Variants in SMAD1 observed in about 807,000 individuals in gnomAD.
The protein encoded by SMAD1 is MAD, mothers against decapentaplegic homolog 1.
A neutral mutation model predicts 41.6 loss-of-function variants in SMAD1; 6 were observed. That is an observed-to-expected ratio of 0.14 (90% confidence interval 0.08 to 0.28). SMAD1 has a LOEUF of 0.28. SMAD1 is among the 10% of genes least tolerant of loss of function. The pLI, the probability that SMAD1 is intolerant of heterozygous loss-of-function variation, is 1.00. For missense variants in SMAD1, 379 were observed against 582.6 expected (o/e 0.65, Z 3.60); for synonymous variants, 206 against 203.2 (o/e 1.01, Z -0.12).
At chr4:145,539,714 G>T in intron 2 of SMAD1, 90 bp from the exon 3 acceptor site, 1 of 1,298,192 alleles carries the variant, frequency 7.7e-7, no homozygotes, top group South Asian at 1.3e-5. Context: ...ATTTGTTGTT[G>T]TTTACAGATT....
chr4:145,554,933 A>G (rs1202637834), intron 6 of SMAD1, among the ~76,000 whole-genome samples: 1 of 152,144 alleles, frequency 6.6e-6, no homozygotes, highest in Non-Finnish European at 1.5e-5. Context: ...CTGTTTTGTA[A>G]TGTATTTATT....
chr4:145,500,006 A>C (rs909989786), intron 1 of SMAD1, among the ~76,000 whole-genome samples: 3 of 152,306 alleles, frequency 2.0e-5, no homozygotes, highest in Middle Eastern at 3.4e-3. Context: ...ACAATTCTCC[A>C]ACCTTACAGT....
intron 5 of SMAD1, among the ~76,000 whole-genome samples, chr4:145,548,114 C>A (rs1385379434): frequency 2.0e-5 from 3 of 152,272 alleles, no homozygotes; most frequent in African/African-American, 7.2e-5. Flanking sequence ...ATGGGGCATG[C>A]CTCAGGAGCC....
chr4:145,496,578 CA>C (rs1413988005), intron 1 of SMAD1, among the ~76,000 whole-genome samples: 2 of 151,864 alleles, frequency 1.3e-5, no homozygotes, highest in African/African-American at 4.8e-5. Flanking sequence ...TTTTCTCAAC[CA>C]AAAGTGGATA....
At chr4:145,554,204 T>C (rs1304756354) in intron 6 of SMAD1, among the ~76,000 whole-genome samples, 164 bp downstream of exon 6, 1 of 152,022 alleles carries the variant, frequency 6.6e-6, no homozygotes, top group African/African-American at 2.4e-5. Flanking sequence ...ATTTCAATTA[T>C]TAGGAAAATA....
Position 145,498,163 on chromosome 4 carries a change from T to C in SMAD1, c.-177+16125T>C, listed in dbSNP as rs569877682. On this transcript the variant is annotated intron_variant, in intron 1 of 6. Coordinates refer to ENST00000302085, the MANE Select transcript of SMAD1 (RefSeq NM_005900.3). ...ATAAGAAATTCATGCATTGAAAAAT[T>C]TGATGGATATTTGAACAGTTAATAA... 8 of 152,314 alleles carry C rather than the reference T, an allele frequency of 5.3e-5. No homozygotes were observed. In the South Asian group the frequency reaches 1.7e-3, roughly 32 times the overall value. The allele number at this position is 152,314 out of a possible 1,614,324, so 9.4% of individuals were successfully genotyped here. A position where few individuals can be genotyped will look rare whatever the true frequency, so the allele number is the denominator to read the frequency against.
intron 2 of SMAD1, among the ~76,000 whole-genome samples, chr4:145,532,509 G>C (rs1231021379): frequency 1.3e-5 from 2 of 152,206 alleles, no homozygotes; most frequent in Non-Finnish European, 1.5e-5. Flanking sequence ...TAGGATACAA[G>C]AAGGACATAC....
At chr4:145,508,794 C>G (rs1729924537) in intron 1 of SMAD1, among the ~76,000 whole-genome samples, 1 of 152,170 alleles carries the variant, frequency 6.6e-6, no homozygotes, top group African/African-American at 2.4e-5. Context: ...AATCCAAGAT[C>G]AAGGTACCTG....
At chr4:145,529,934 A>C (rs969642356) in intron 2 of SMAD1, among the ~76,000 whole-genome samples, 3 of 152,204 alleles carry the variant, frequency 2.0e-5, no homozygotes, top group African/African-American at 7.2e-5. Flanking sequence ...TTAAATAAGT[A>C]TCTAATTCAG....
At chr4:145,494,803 C>G (rs575551132) in intron 1 of SMAD1, among the ~76,000 whole-genome samples, 5 of 152,302 alleles carry the variant, frequency 3.3e-5, no homozygotes, top group East Asian at 1.9e-4. Context: ...CTTTTATACT[C>G]TGTAGCACCC....
chr4:145,484,365 C>T (rs567186706), intron 1 of SMAD1: 119 of 152,290 alleles, frequency 7.8e-4, no homozygotes, highest in African/African-American at 2.4e-3. Flanking sequence ...TGCTTGAGAT[C>T]TTAAATTGAT....
At chr4:145,536,861 A>T (rs552520840) in intron 2 of SMAD1, among the ~76,000 whole-genome samples, 2 of 152,194 alleles carry the variant, frequency 1.3e-5, no homozygotes, top group Non-Finnish European at 2.9e-5. Flanking sequence ...ATTAAACCTC[A>T]AACAGGCAGA....
intron 5 of SMAD1, among the ~76,000 whole-genome samples, chr4:145,552,362 C>T (rs1732595816): frequency 6.6e-6 from 1 of 152,224 alleles, no homozygotes; most frequent in Admixed American, 6.5e-5. Context: ...CTTGACTAAG[C>T]CATACCAGAG....
intron 2 of SMAD1, among the ~76,000 whole-genome samples, chr4:145,515,592 T>A (rs544164167): frequency 6.6e-6 from 1 of 152,324 alleles, no homozygotes; most frequent in East Asian, 1.9e-4. Context: ...ATGGAATCAT[T>A]TGATGCTATT....
intron 2 of SMAD1, among the ~76,000 whole-genome samples, chr4:145,538,987 C>T (rs1731773591): frequency 1.3e-5 from 2 of 152,164 alleles, no homozygotes; most frequent in Admixed American, 6.5e-5. Context: ...CCTTAGCTTC[C>T]TAATGTAGAA....
At chr4:145,488,017 C>G (rs189091607) in intron 1 of SMAD1, among the ~76,000 whole-genome samples, 2 of 152,234 alleles carry the variant, frequency 1.3e-5, no homozygotes, top group East Asian at 3.9e-4. Flanking sequence ...TTAGAGAAGA[C>G]TCTCTCTTGA....
rs528855140 is a variant in SMAD1, at chr4:145,505,626, A to G, written c.-176-8812A>G. On this transcript the variant is annotated intron_variant, in intron 1 of 6. Transcript: ENST00000302085. Reference sequence around the variant, plus strand: ...AGAGCAAGACTCTGTCAAAAAAAAAAAAAAAAATGCTGAACTACAAAATTC... The same window carrying G: ...AGAGCAAGACTCTGTCAAAAAAAAAGAAAAAAATGCTGAACTACAAAATTC... Among the ~76,000 whole-genome samples, 130 of 151,988 alleles carry G rather than the reference A, an allele frequency of 8.6e-4. 2 individuals carry two copies. The South Asian group carries it at 0.026, about 31-fold the overall frequency.
chr4:145,485,611 A>G (rs949797656), intron 1 of SMAD1, among the ~76,000 whole-genome samples: 1 of 152,232 alleles, frequency 6.6e-6, no homozygotes, highest in African/African-American at 2.4e-5. Context: ...ATGGAAAGAC[A>G]TATATAAACT....
At chr4:145,494,511 T>A (rs1490622043) in intron 1 of SMAD1, among the ~76,000 whole-genome samples, 1 of 152,224 alleles carries the variant, frequency 6.6e-6, no homozygotes, top group Non-Finnish European at 1.5e-5. Flanking sequence ...GGCCAGTGTC[T>A]TTATGATCTT....
Sources: gnomAD v4.1 joint callset for allele counts (sites outside exome capture counted in the v4.1 genomes callset) on GRCh38, gnomAD v4.1.1 for gene constraint, MANE v1.5 for transcripts, NCBI Gene and HGNC (gene_info 2026-07-23, HGNC 2026-07-21) for gene names.